Variants in CRPPA observed in about 807,000 individuals in gnomAD.
The protein encoded by CRPPA is D-ribitol-5-phosphate cytidylyltransferase.
Under a neutral mutation model 52.0 loss-of-function variants are expected in CRPPA, and 43 were observed. The observed-to-expected ratio is 0.83, with a 90% confidence interval of 0.65 to 1.07. The LOEUF (loss-of-function observed/expected upper bound fraction) is 1.07. CRPPA is among the 50% of genes least tolerant of loss of function. CRPPA has a pLI of 0.00. For synonymous variants in CRPPA, 250 were observed against 203.5 expected, an observed-to-expected ratio of 1.23 and a Z score of -1.94; for missense variants, 629 against 551.7, an observed-to-expected ratio of 1.14 and a Z score of -1.40.
chr7:16,351,099 A>G (rs1366535333), intron 3 of CRPPA, among the ~76,000 whole-genome samples: 2 of 152,316 alleles, frequency 1.3e-5, no homozygotes, highest in East Asian at 1.9e-4. Context: ...AAATATATAA[A>G]GCAAACACTA....
chr7:16,339,409 T>C (rs780716355), intron 3 of CRPPA, among the ~76,000 whole-genome samples: 6 of 152,160 alleles, frequency 3.9e-5, no homozygotes, highest in Non-Finnish European at 8.8e-5. Context: ...TCCATCAGTG[T>C]AACCTGTAAT....
intron 9 of CRPPA, among the ~76,000 whole-genome samples, chr7:16,099,224 G>C (rs1385123532): frequency 6.6e-6 from 1 of 150,974 alleles, no homozygotes; most frequent in Non-Finnish European, 1.5e-5. Flanking sequence ...CTGCACTGCA[G>C]CCTAGGTGAC....
intron 3 of CRPPA, among the ~76,000 whole-genome samples, chr7:16,356,053 GA>G (rs34122140): frequency 0.34 from 49,537 of 146,836 alleles, 9,382 homozygotes; most frequent in East Asian, 0.47. Context: ...AGTGGAACTG[GA>G]AAAAAAAAAA....
At chr7:16,344,640 A>G (rs1166739574) in intron 3 of CRPPA, among the ~76,000 whole-genome samples, 8 of 152,192 alleles carry the variant, frequency 5.3e-5, no homozygotes, top group African/African-American at 1.9e-4. Context: ...CTTATCAACT[A>G]GAAGATGTTA....
chr7:16,412,437 G>A (rs1788095003), intron 1 of CRPPA, among the ~76,000 whole-genome samples: 1 of 152,010 alleles, frequency 6.6e-6, no homozygotes, highest in African/African-American at 2.4e-5. Context: ...TCTTGTAACA[G>A]GTCAAAAAAA....
chr7:16,266,565 G>T (rs985306615), intron 6 of CRPPA, among the ~76,000 whole-genome samples: 2 of 150,562 alleles, frequency 1.3e-5, no homozygotes, highest in East Asian at 2.0e-4. Flanking sequence ...TGCAACCTCT[G>T]CCTCTTGGGT....
At chr7:16,286,066 T>TTTAAAAAAAAAAAA (rs1562608525) in intron 5 of CRPPA, among the ~76,000 whole-genome samples, 5 of 25,842 alleles carry the variant, frequency 1.9e-4, no homozygotes, top group Admixed American at 5.4e-4. Flanking sequence ...TATATATATA[T>TTTAAAAAAAAAAAA]ATATATATAT....
chr7:16,119,180 A>C (rs1178552976), intron 9 of CRPPA, among the ~76,000 whole-genome samples: 2 of 152,086 alleles, frequency 1.3e-5, no homozygotes, highest in Non-Finnish European at 2.9e-5. Flanking sequence ...TAAGACTCAA[A>C]ACAATTTCTA....
chr7:16,273,855 C>T (rs570797077), intron 6 of CRPPA, among the ~76,000 whole-genome samples: 7 of 152,260 alleles, frequency 4.6e-5, no homozygotes, highest in East Asian at 3.9e-4. Flanking sequence ...CCTGCCATCG[C>T]GCCCAGAAGG....
intron 9 of CRPPA, among the ~76,000 whole-genome samples, chr7:16,147,106 C>A (rs945194964): frequency 3.9e-5 from 6 of 152,180 alleles, no homozygotes; most frequent in Non-Finnish European, 5.9e-5. Context: ...CTCTTGCCTG[C>A]CTGCTGCCAT....
In CRPPA at chr7:16,089,543, A is replaced by ATG. The variant is rs1200510760; in HGVS notation, c.*2150_*2151dup. 1.3e-4 allele frequency: 32 copies of ATG among 240,222 alleles called. No individual in the cohort carries two copies. The highest frequency in any genetic ancestry group is 6.8e-4 in the African/African-American group (28 of 40,944). 14.9% of individuals were successfully genotyped at this position (240,222 alleles called of 1,614,324 possible). A position where few individuals can be genotyped will look rare whatever the true frequency, so the allele number is the denominator to read the frequency against. On this transcript the variant is annotated 3_prime_UTR_variant, in exon 10 of 10. Transcript: ENST00000407010. ...TATATATGTACGTACATACATATAT[A>ATG]TGTATATACATGTAAGTATATACAT... is the stretch of plus-strand genomic sequence containing the variant.
intron 4 of CRPPA, among the ~76,000 whole-genome samples, chr7:16,306,150 C>T (rs1211722172): frequency 1.3e-5 from 2 of 152,132 alleles, no homozygotes; most frequent in Admixed American, 6.5e-5. Context: ...TAGGGCCTAC[C>T]CTATTCCAGC....
intron 3 of CRPPA, among the ~76,000 whole-genome samples, chr7:16,356,829 G>T (rs1786307769): frequency 6.6e-6 from 1 of 152,080 alleles, no homozygotes; most frequent in Non-Finnish European, 1.5e-5. Context: ...TATTTAGTAA[G>T]TTTTAACTAC....
intron 2 of CRPPA, among the ~76,000 whole-genome samples, chr7:16,384,729 A>C (rs919918199): frequency 2.0e-5 from 3 of 152,242 alleles, no homozygotes; most frequent in Non-Finnish European, 4.4e-5. Flanking sequence ...GACATCACTA[A>C]AATAGGCCAA....
At chr7:16,231,136 T>A (rs1405294426) in intron 8 of CRPPA, among the ~76,000 whole-genome samples, 29 of 152,170 alleles carry the variant, frequency 1.9e-4, no homozygotes, top group Admixed American at 1.9e-3. Context: ...CTTCCTTCTT[T>A]TTCCCTAAGT....
At chr7:16,387,070 T>TATATATATATACACACAC (rs1410453066) in intron 2 of CRPPA, among the ~76,000 whole-genome samples, 1 of 67,610 alleles carries the variant, frequency 1.5e-5, no homozygotes, top group African/African-American at 8.3e-5. Flanking sequence ...TATATATATA[T>TATATATATATACACACAC]ATATATATAT....
At chr7:16,135,645 C>A (rs1480878881) in intron 9 of CRPPA, among the ~76,000 whole-genome samples, 1 of 152,106 alleles carries the variant, frequency 6.6e-6, no homozygotes, top group Non-Finnish European at 1.5e-5. Context: ...AGAAATAATT[C>A]TACCAAGGTA....
At chr7:16,156,898 G>A (rs1405856955) in intron 9 of CRPPA, among the ~76,000 whole-genome samples, 1 of 152,142 alleles carries the variant, frequency 6.6e-6, no homozygotes, top group African/African-American at 2.4e-5. Flanking sequence ...GCAACCCCAG[G>A]AAATTTTTGA....
chr7:16,147,513 A>G (rs145516776), intron 9 of CRPPA, among the ~76,000 whole-genome samples: 269 of 152,314 alleles, frequency 1.8e-3, no homozygotes, highest in African/African-American at 5.8e-3. Context: ...AACTGATGTC[A>G]TTTATGCACT....
Sources: allele counts gnomAD v4.1 joint callset (sites outside exome capture counted in the v4.1 genomes callset), GRCh38; gene constraint gnomAD v4.1.1; transcripts MANE v1.5; gene names NCBI Gene and HGNC (gene_info 2026-07-23, HGNC 2026-07-21).